Variants in PTH2R observed in about 807,000 individuals in gnomAD.
PTH2R encodes the protein PTH2 receptor.
Under a neutral mutation model 60.3 loss-of-function variants are expected in PTH2R, and 59 were observed. The ratio of observed to expected loss-of-function variants is 0.98; its 90% confidence interval spans 0.79 to 1.22. The LOEUF is 1.22. Among genes scored for constraint, PTH2R ranks in the 50% most tolerant of loss-of-function variants. PTH2R has a pLI of 0.00. For synonymous variants in PTH2R, 256 were observed against 243.8 expected (o/e 1.05, Z -0.47); for missense variants, 749 against 682.6 (o/e 1.10, Z -1.08).
At chr2:208,459,049 G>A (rs1271513548) in intron 8 of PTH2R, among the ~76,000 whole-genome samples, 1 of 152,058 alleles carries the variant, frequency 6.6e-6, no homozygotes, top group Non-Finnish European at 1.5e-5. Flanking sequence ...CACAGTGGTT[G>A]AACTAATTTA....
intron 8 of PTH2R, among the ~76,000 whole-genome samples, chr2:208,458,528 C>T (rs1285824068): frequency 6.6e-6 from 1 of 152,046 alleles, no homozygotes; most frequent in Non-Finnish European, 1.5e-5. Context: ...GTTTGTTGTA[C>T]ATAATATTAC....
chr2:208,449,031 C>A (rs1702346069), intron 7 of PTH2R, among the ~76,000 whole-genome samples: 1 of 152,096 alleles, frequency 6.6e-6, no homozygotes, highest in African/African-American at 2.4e-5. Flanking sequence ...CAGGAAGTAC[C>A]TGATCAGAAG....
chr2:208,430,800 C>T (rs188573875), intron 2 of PTH2R, among the ~76,000 whole-genome samples: 7 of 152,102 alleles, frequency 4.6e-5, no homozygotes, highest in Admixed American at 3.3e-4. Flanking sequence ...CTCCCGACCT[C>T]GTGATCTGCC....
At chr2:208,455,715 A>G (rs1702497324) in intron 8 of PTH2R, among the ~76,000 whole-genome samples, 1 of 152,168 alleles carries the variant, frequency 6.6e-6, no homozygotes, top group African/African-American at 2.4e-5. Context: ...CCATATGACA[A>G]CACTCTGGGG....
At chr2:208,371,071 C>T (rs1700692859) in intron 1 of PTH2R, among the ~76,000 whole-genome samples, 1 of 151,988 alleles carries the variant, frequency 6.6e-6, no homozygotes, top group African/African-American at 2.4e-5. Flanking sequence ...ATGGGGATGG[C>T]ACTAAGCCAT....
chr2:208,390,557 G>A (rs1701090511), intron 1 of PTH2R, among the ~76,000 whole-genome samples: 1 of 152,130 alleles, frequency 6.6e-6, no homozygotes. Context: ...GTATTACTAA[G>A]TCCGATAAAA....
chr2:208,389,207 A>C (rs894824161), intron 1 of PTH2R, among the ~76,000 whole-genome samples: 1 of 149,552 alleles, frequency 6.7e-6, no homozygotes, highest in Non-Finnish European at 1.5e-5. Context: ...CAGAATGATG[A>C]TACATTAAAA....
At chr2:208,435,960 T>A (rs1449895871) in intron 2 of PTH2R, among the ~76,000 whole-genome samples, 1 of 152,226 alleles carries the variant, frequency 6.6e-6, no homozygotes, top group Admixed American at 6.5e-5. Flanking sequence ...TGACAGGCTG[T>A]CTTCTTGGAA....
At chr2:208,374,657 C>T (rs1700760272) in intron 1 of PTH2R, among the ~76,000 whole-genome samples, 1 of 152,028 alleles carries the variant, frequency 6.6e-6, no homozygotes, top group Non-Finnish European at 1.5e-5. Context: ...CACCCTCAAC[C>T]ACGCCTGGCT....
At chr2:208,466,875 G>A (rs1264023525) in intron 9 of PTH2R, among the ~76,000 whole-genome samples, 1 of 152,096 alleles carries the variant, frequency 6.6e-6, no homozygotes, top group Non-Finnish European at 1.5e-5. Context: ...CCTTTGCTGT[G>A]CAGAGGCATT....
intron 1 of PTH2R, among the ~76,000 whole-genome samples, chr2:208,363,878 G>A (rs963094691): frequency 6.6e-6 from 1 of 152,022 alleles, no homozygotes; most frequent in African/African-American, 2.4e-5. Context: ...TTTTTTGCTT[G>A]TTAATTTAAG....
rs1181546484 is a variant in PTH2R at position 208,396,466 on chromosome 2, A to T, written c.-258-31735A>T. On this transcript the variant is annotated intron_variant, in intron 1 of 12. Transcript: ENST00000617735. ...CAAAGAACTTAAACAAATTTACAAG[A>T]AAAAAACAACCCCATCAAAAAGTGG... 2.0e-5 allele frequency among the ~76,000 whole-genome samples: 3 copies of T among 152,202 alleles called. No homozygotes were observed. The East Asian group carries it at 5.8e-4, about 29-fold the overall frequency.
intron 2 of PTH2R, among the ~76,000 whole-genome samples, chr2:208,436,278 G>A (rs1238694803): frequency 9.8e-6 from 1 of 102,386 alleles, no homozygotes; most frequent in Non-Finnish European, 2.4e-5. Flanking sequence ...GTGAAAATAT[G>A]AAGGAGGTAA....
intron 8 of PTH2R, among the ~76,000 whole-genome samples, chr2:208,455,287 C>T (rs1169946802): frequency 6.6e-6 from 1 of 152,004 alleles, no homozygotes; most frequent in Admixed American, 6.6e-5. Flanking sequence ...AACTGTATGA[C>T]CTAGATTCAG....
chr2:208,447,642 T>TA (rs1702315959), intron 7 of PTH2R, among the ~76,000 whole-genome samples: 1 of 133,508 alleles, frequency 7.5e-6, no homozygotes, highest in African/African-American at 2.6e-5. Flanking sequence ...AATAAATAAA[T>TA]AATAGGAAGG....
chr2:208,396,038 C>A (rs920765108), intron 1 of PTH2R, among the ~76,000 whole-genome samples: 3 of 152,088 alleles, frequency 2.0e-5, no homozygotes, highest in African/African-American at 4.8e-5. Context: ...TTTGACAAAC[C>A]TGACAAAAAC....
chr2:208,468,777 T>C (rs781614000), intron 9 of PTH2R, among the ~76,000 whole-genome samples: 2 of 152,220 alleles, frequency 1.3e-5, no homozygotes, highest in Non-Finnish European at 2.9e-5. Flanking sequence ...ATGTCTTTCA[T>C]TGTTGAATGT....
At chr2:208,473,733 T>C (rs1702935481) in intron 9 of PTH2R, among the ~76,000 whole-genome samples, 1 of 152,176 alleles carries the variant, frequency 6.6e-6, no homozygotes. Flanking sequence ...AATATAAATA[T>C]ATATTTAATG....
intron 1 of PTH2R, among the ~76,000 whole-genome samples, chr2:208,384,252 G>C (rs1700967295): frequency 6.6e-6 from 1 of 152,160 alleles, no homozygotes. Context: ...GAAAGAGACG[G>C]GGAGGACATC....
Sources: allele counts gnomAD v4.1 joint callset (sites outside exome capture counted in the v4.1 genomes callset), GRCh38; gene constraint gnomAD v4.1.1; transcripts MANE v1.5; gene names NCBI Gene and HGNC (gene_info 2026-07-23, HGNC 2026-07-21).